The following PEX5L variants were observed in gnomAD, a reference collection of about 807,000 sequenced individuals.
PEX5L encodes the protein peroxisomal biogenesis factor 5 like.
In PEX5L, 30 loss-of-function variants were observed where a neutral mutation model predicts 84.0. That is an observed-to-expected ratio of 0.36 (90% CI 0.27 to 0.48). The LOEUF is 0.48. Ranked by LOEUF, PEX5L falls within the 20% of genes least tolerant of loss-of-function variation. PEX5L has a pLI of 0.99. For synonymous variants in PEX5L, 270 were observed against 283.1 expected (o/e 0.95, Z 0.46); for missense variants, 533 against 754.6 (o/e 0.71, Z 3.44).
chr3:179,925,883 A>G (rs983324976), intron 2 of PEX5L, among the ~76,000 whole-genome samples: 28 of 152,150 alleles, frequency 1.8e-4, no homozygotes, highest in African/African-American at 6.8e-4. Flanking sequence ...AGAAAATGTC[A>G]GCATCACAAG....
intron 8 of PEX5L, among the ~76,000 whole-genome samples, chr3:179,821,566 T>C (rs1728536934): frequency 6.6e-6 from 1 of 152,240 alleles, no homozygotes. Flanking sequence ...TTGCTCTTGC[T>C]TTATTATGTC....
intron 2 of PEX5L, among the ~76,000 whole-genome samples, chr3:179,938,330 A>AACTT (rs934409023): frequency 1.5e-4 from 23 of 152,318 alleles, no homozygotes; most frequent in African/African-American, 5.3e-4. Context: ...GTCCATTACT[A>AACTT]ACTTACATAG....
intron 1 of PEX5L, chr3:179,973,217 ATGTGGGTCC>A: frequency 7.8e-7 from 1 of 1,288,630 alleles, no homozygotes; most frequent in Non-Finnish European, 1.0e-6. Context: ...TAGAGATGGA[ATGTGGGTCC>A]TTCCATCCAT....
chr3:180,009,472 CA>C (rs1224143591), intron 1 of PEX5L, among the ~76,000 whole-genome samples: 2 of 150,944 alleles, frequency 1.3e-5, no homozygotes, highest in Admixed American at 1.3e-4. Flanking sequence ...AACAAGCAAA[CA>C]AAAATTTAAA....
chr3:179,843,572 C>A (rs923170290), intron 8 of PEX5L, among the ~76,000 whole-genome samples: 1 of 152,072 alleles, frequency 6.6e-6, no homozygotes, highest in Non-Finnish European at 1.5e-5. Context: ...AAACAACATA[C>A]CTTATAAAAT....
chr3:179,839,410 T>G (rs1736191352), intron 8 of PEX5L, among the ~76,000 whole-genome samples: 1 of 152,220 alleles, frequency 6.6e-6, no homozygotes, highest in African/African-American at 2.4e-5. Flanking sequence ...GCAGTCAGGC[T>G]TTTACAGATG....
intron 2 of PEX5L, among the ~76,000 whole-genome samples, chr3:179,967,014 A>T (rs2110179110): frequency 6.6e-6 from 1 of 152,314 alleles, no homozygotes; most frequent in Non-Finnish European, 1.5e-5. Context: ...CTCCTGACAA[A>T]GCCATAGGGC....
chr3:180,032,477 G>A (rs754597856), intron 1 of PEX5L, among the ~76,000 whole-genome samples: 38 of 152,192 alleles, frequency 2.5e-4, no homozygotes, highest in Non-Finnish European at 3.7e-4. Flanking sequence ...ATGTGTGTGC[G>A]TGCAGGTGGT....
chr3:180,016,017 T>C (rs1789918099), intron 1 of PEX5L, among the ~76,000 whole-genome samples: 1 of 151,980 alleles, frequency 6.6e-6, no homozygotes, highest in Non-Finnish European at 1.5e-5. Context: ...TAATGGCTGA[T>C]AGTGATTTAG....
intron 1 of PEX5L, among the ~76,000 whole-genome samples, chr3:180,031,331 A>T (rs1048820726): frequency 1.3e-5 from 2 of 152,124 alleles, no homozygotes; most frequent in African/African-American, 4.8e-5. Context: ...ACTAAAGGGG[A>T]TGGTATAGGT....
chr3:179,840,683 G>A (rs1458532497), intron 8 of PEX5L, among the ~76,000 whole-genome samples: 1 of 152,128 alleles, frequency 6.6e-6, no homozygotes. Context: ...GATGATAGAG[G>A]TGGTTTGATT....
chr3:179,884,859 G>A (rs1755260865), intron 4 of PEX5L, among the ~76,000 whole-genome samples: 1 of 151,950 alleles, frequency 6.6e-6, no homozygotes. Flanking sequence ...AGAACTGGGT[G>A]GAAAAAAATT....
intron 4 of PEX5L, among the ~76,000 whole-genome samples, chr3:179,883,744 A>G (rs1041894649): frequency 6.6e-6 from 1 of 152,160 alleles, no homozygotes; most frequent in African/African-American, 2.4e-5. Flanking sequence ...AGATCATGCC[A>G]TTGCACTCCA....
In PEX5L at chr3:180,036,677, G is replaced by A. The variant is rs967331234; in HGVS notation, c.-78C>T. The A allele has an allele frequency of 1.3e-6, 2 of 1,515,154 alleles. No homozygotes were observed. Among genetic ancestry groups the A allele is most frequent in the Non-Finnish European group, 1.8e-6 (2 of 1,089,760 alleles). 93.9% of individuals were successfully genotyped at this position (1,515,154 alleles called of 1,614,324 possible). ...TGCTTACTTGCCCACCAAAAGAGGG[G>A]AAAAGGTGGGTGCACAGCGGGTTCT... On this transcript the variant is annotated 5_prime_UTR_variant, in exon 1 of 15. Coordinates refer to ENST00000467460, the MANE Select transcript of PEX5L (RefSeq NM_016559.3).
chr3:179,882,105 T>C (rs910351888), intron 4 of PEX5L, among the ~76,000 whole-genome samples: 2 of 152,216 alleles, frequency 1.3e-5, no homozygotes, highest in East Asian at 3.8e-4. Context: ...GTCCTTATAA[T>C]GGAGGAAAGG....
chr3:179,808,215 G>GA, intron 13 of PEX5L, 57 bp downstream of exon 13: 12 of 1,424,550 alleles, frequency 8.4e-6, no homozygotes, highest in Non-Finnish European at 1.1e-5. Context: ...TGTAGCCTGT[G>GA]AAAACTTATT....
chr3:179,879,962 G>C lies in PEX5L; in HGVS notation c.472C>G (p.Leu158Val). 1 of 1,606,878 alleles carries C rather than the reference G, an allele frequency of 6.2e-7. No individual in the cohort carries two copies. Among genetic ancestry groups the C allele is most frequent in the Non-Finnish European group, 8.5e-7 (1 of 1,177,752 alleles). Residue 158 changes from leucine to valine, a missense_variant, in exon 5 of 15, where the codon CTC (leucine) becomes GTC (valine). Physicochemically the swap from Leu to Val is conservative, Grantham distance 32. Coordinates refer to ENST00000467460, the MANE Select transcript of PEX5L (RefSeq NM_016559.3). ...AAGGATGAAGTCTCCGGGACTCTGAGAGGCTGGCCTCTCTGCTCAGCATCC... is the reference window on the plus strand; with the variant it reads ...AAGGATGAAGTCTCCGGGACTCTGACAGGCTGGCCTCTCTGCTCAGCATCC... ...STDAEQRGQP[L>V]RVPETSSLDL... is the part of the protein sequence containing the mutation.
chr3:179,981,449 C>T (rs542263755), intron 1 of PEX5L, among the ~76,000 whole-genome samples: 39 of 152,272 alleles, frequency 2.6e-4, no homozygotes, highest in African/African-American at 7.2e-4. Context: ...CCTGTTTAGA[C>T]GCTGGTTGAC....
At chr3:180,011,037 G>A (rs992291708) in intron 1 of PEX5L, among the ~76,000 whole-genome samples, 2 of 152,088 alleles carry the variant, frequency 1.3e-5, no homozygotes, top group Non-Finnish European at 2.9e-5. Context: ...AAGTGTGAGA[G>A]TACCTCACAC....
Sources: allele counts gnomAD v4.1 joint callset (sites outside exome capture counted in the v4.1 genomes callset), GRCh38; gene constraint gnomAD v4.1.1; transcripts MANE v1.5; gene names NCBI Gene and HGNC (gene_info 2026-07-23, HGNC 2026-07-21).